TRHDE: variants seen among roughly 807,000 people sequenced by gnomAD.
TRHDE encodes thyrotropin-releasing hormone-degrading ectoenzyme.
In TRHDE, 72 loss-of-function variants were observed where a neutral mutation model predicts 125.7. That is an observed-to-expected ratio of 0.57 (90% CI 0.47 to 0.70). The LOEUF (loss-of-function observed/expected upper bound fraction) is 0.70. TRHDE is among the 30% of genes least tolerant of loss of function. The pLI, the probability that TRHDE is intolerant of heterozygous loss-of-function variation, is 0.00. For missense variants in TRHDE, 1,110 were observed against 1,327.1 expected (o/e 0.84, Z 2.54); for synonymous variants, 509 against 509.1 (o/e 1.00, Z 0.00).
intron 3 of TRHDE, among the ~76,000 whole-genome samples, chr12:72,428,013 T>C (rs1874264015): frequency 6.6e-6 from 1 of 152,112 alleles, no homozygotes; most frequent in African/African-American, 2.4e-5. Flanking sequence ...TCCACATCAT[T>C]GTTAGGCACT....
intron 1 of TRHDE, among the ~76,000 whole-genome samples, chr12:72,095,588 G>C (rs1874896037): frequency 6.6e-6 from 1 of 152,066 alleles, no homozygotes; most frequent in Non-Finnish European, 1.5e-5. Flanking sequence ...CTCACTTTTG[G>C]GACAATGCTA....
intron 1 of TRHDE, among the ~76,000 whole-genome samples, chr12:72,274,345 T>G (rs770702647): frequency 3.3e-5 from 5 of 152,174 alleles, no homozygotes; most frequent in Admixed American, 6.5e-5. Flanking sequence ...CTTGTTAGTG[T>G]CTTTGCCGCG....
chr12:72,171,539 A>G (rs1241724671), intron 2 of TRHDE, among the ~76,000 whole-genome samples: 1 of 152,192 alleles, frequency 6.6e-6, no homozygotes, highest in Non-Finnish European at 1.5e-5. Flanking sequence ...GGAGAGGAGT[A>G]TAGCCTGGTA....
intron 2 of TRHDE, among the ~76,000 whole-genome samples, chr12:72,315,655 T>C (rs959947704): frequency 1.3e-5 from 2 of 152,246 alleles, no homozygotes; most frequent in African/African-American, 4.8e-5. Context: ...GAAAATGTGG[T>C]TGGCCACAGG....
chr12:72,495,060 GTTTT>G (rs751243542), intron 5 of TRHDE, among the ~76,000 whole-genome samples: 23 of 58,392 alleles, frequency 3.9e-4, no homozygotes, highest in African/African-American at 1.6e-3. Context: ...TTCCTCCCCC[GTTTT>G]TTTTTTTTTT....
chr12:72,241,806 T>C (rs1175148010), intron 2 of TRHDE, among the ~76,000 whole-genome samples: 1 of 152,220 alleles, frequency 6.6e-6, no homozygotes, highest in African/African-American at 2.4e-5. Context: ...CACCTGCTTA[T>C]GGTATCATCA....
At chr12:72,205,491 C>A (rs902640956) in intron 2 of TRHDE, among the ~76,000 whole-genome samples, 1 of 151,928 alleles carries the variant, frequency 6.6e-6, no homozygotes, top group African/African-American at 2.4e-5. Context: ...AACTTTATAC[C>A]CACTGAAAAA....
intron 2 of TRHDE, among the ~76,000 whole-genome samples, chr12:72,301,937 A>G (rs1440876255): frequency 6.6e-6 from 1 of 152,186 alleles, no homozygotes; most frequent in South Asian, 2.1e-4. Context: ...GAATACTGCT[A>G]TTTCTGTTAT....
At chr12:72,104,232 C>T (rs535038334) in intron 1 of TRHDE, among the ~76,000 whole-genome samples, 4 of 152,218 alleles carry the variant, frequency 2.6e-5, no homozygotes, top group Non-Finnish European at 5.9e-5. Flanking sequence ...TTTGCTCAGT[C>T]GCTATTTATT....
At position 72,234,995 on chromosome 12, in the gene TRHDE, T is replaced by C. The variant is rs187083712; in HGVS notation, n.279+129243T>C. ...GCTATTATGGTACCTAGTTCACTGGTAAGGAAATTGGAACTCAGTGTCTGG... is the reference window on the plus strand; with the variant it reads ...GCTATTATGGTACCTAGTTCACTGGCAAGGAAATTGGAACTCAGTGTCTGG... On this transcript the variant is annotated intron_variant and non_coding_transcript_variant, in intron 2 of 4. Transcript: ENST00000548156. Among the ~76,000 whole-genome samples the C allele has an allele frequency of 1.5e-3, 235 of 152,280 alleles. 1 individual carries two copies. The highest frequency in any genetic ancestry group is 5.4e-3 in the African/African-American group (223 of 41,566).
At chr12:72,189,006 T>C (rs1877285395) in intron 2 of TRHDE, among the ~76,000 whole-genome samples, 1 of 152,212 alleles carries the variant, frequency 6.6e-6, no homozygotes, top group Admixed American at 6.5e-5. Flanking sequence ...TTCTGTCCTC[T>C]CAGAAATGAG....
chr12:72,421,031 C>T (rs368295781), intron 3 of TRHDE, among the ~76,000 whole-genome samples: 14 of 151,288 alleles, frequency 9.3e-5, no homozygotes, highest in African/African-American at 2.9e-4. Flanking sequence ...TGCAGTGGCG[C>T]GATCTCAGCT....
At chr12:72,382,109 C>G (rs1334517226) in intron 3 of TRHDE, among the ~76,000 whole-genome samples, 1 of 152,006 alleles carries the variant, frequency 6.6e-6, no homozygotes, top group Non-Finnish European at 1.5e-5. Flanking sequence ...TGAGCGGGAG[C>G]ATGTAGTTGA....
rs145990853 is a variant in TRHDE at position 72,525,681 on chromosome 12, A to C, written c.1723-16610A>C. ...AAAGTTGGTGATTTTTCGGCTATTC[A>C]CTTCTTTTCAGTATCAGTGAGCTAT... On this transcript the variant is annotated intron_variant, in intron 6 of 18. Transcript: ENST00000261180. 1.4e-3 allele frequency among the ~76,000 whole-genome samples: 208 copies of C among 149,766 alleles called. 1 individual carries two copies. Among genetic ancestry groups the C allele is most frequent in the Middle Eastern group, 0.014 (4 of 290 alleles).
chr12:72,333,808 T>C lies in TRHDE; in HGVS notation c.1189-44187T>C, dbSNP rs976617907. On this transcript the variant is annotated intron_variant, in intron 2 of 18. Coordinates refer to ENST00000261180, the MANE Select transcript of TRHDE (RefSeq NM_013381.3). ...TGGTCATCTCTTAATATTTTTCTGT[T>C]AGGAGTACATAGACTTCCTGTTGGA... is the stretch of plus-strand genomic sequence containing the variant. Among the ~76,000 whole-genome samples, 62 of 152,230 alleles carry C rather than the reference T, an allele frequency of 4.1e-4. 1 individual carries two copies. The highest frequency in any genetic ancestry group is 1.4e-3 in the African/African-American group (57 of 41,460).
chr12:72,139,450 A>T (rs1003395445), intron 2 of TRHDE, among the ~76,000 whole-genome samples: 3 of 152,342 alleles, frequency 2.0e-5, no homozygotes, highest in Admixed American at 6.5e-5. Flanking sequence ...TGTAAAATAC[A>T]TCTGAAGAAA....
At chr12:72,095,253 C>T (rs1874886418) in intron 1 of TRHDE, among the ~76,000 whole-genome samples, 1 of 152,172 alleles carries the variant, frequency 6.6e-6, no homozygotes, top group African/African-American at 2.4e-5. Flanking sequence ...CCTGTTATTG[C>T]CATTCTCAGC....
At chr12:72,138,714 C>T (rs570977646) in intron 2 of TRHDE, among the ~76,000 whole-genome samples, 2 of 152,222 alleles carry the variant, frequency 1.3e-5, no homozygotes, top group East Asian at 3.9e-4. Flanking sequence ...TCTGAGGAGT[C>T]GTGACCATAT....
At chr12:72,118,406 C>A (rs1875498441) in intron 2 of TRHDE, among the ~76,000 whole-genome samples, 1 of 152,126 alleles carries the variant, frequency 6.6e-6, no homozygotes, top group Non-Finnish European at 1.5e-5. Context: ...ATAAATCCCA[C>A]TTGATTATGA....
Sources: allele counts gnomAD v4.1 joint callset (sites outside exome capture counted in the v4.1 genomes callset), GRCh38; gene constraint gnomAD v4.1.1; transcripts MANE v1.5; gene names NCBI Gene and HGNC (gene_info 2026-07-23, HGNC 2026-07-21).